The following ATOH8 variants were observed in gnomAD, a reference collection of about 807,000 sequenced individuals.
The protein encoded by ATOH8 is transcription factor ATOH8.
ATOH8 carries 9 observed loss-of-function variants against 21.2 expected under a neutral mutation model. The ratio of observed to expected loss-of-function variants is 0.42; its 90% CI spans 0.26 to 0.74. The LOEUF (loss-of-function observed/expected upper bound fraction) is 0.74. Among genes scored for constraint, ATOH8 ranks in the 30% least tolerant of loss-of-function variants. The probability of loss-of-function intolerance (pLI) is 0.24; values close to 1 mark genes in which losing one functional copy is unlikely to be tolerated. For missense variants in ATOH8, 524 were observed against 470.9 expected (o/e 1.11, Z -1.04); for synonymous variants, 253 against 224.0 (o/e 1.13, Z -1.16).
intron 1 of ATOH8, among the ~76,000 whole-genome samples, chr2:85,759,230 A>G (rs1679797703): frequency 6.6e-6 from 1 of 152,206 alleles, no homozygotes; most frequent in African/African-American, 2.4e-5. Flanking sequence ...AGGAGGGCAT[A>G]GGGAGTGCAA....
rs1004338147 is a variant in ATOH8 at position 85,777,731 on chromosome 2, G to A, written c.961-9154G>A. ...CAGGAGCCTGTTCTCCTAGGATGGC[G>A]GAGCTGGGAGGGCTGGGCTTCTCGT... On this transcript the variant is annotated intron_variant, in intron 2 of 2. Transcript: ENST00000306279. Among the ~76,000 whole-genome samples, 6 of 152,224 alleles carry A rather than the reference G, an allele frequency of 3.9e-5. No individual in the cohort carries two copies. In the South Asian group the frequency reaches 6.2e-4, roughly 16 times the overall value.
chr2:85,757,129 T>C (rs1001201475), intron 1 of ATOH8, among the ~76,000 whole-genome samples: 1 of 152,250 alleles, frequency 6.6e-6, no homozygotes, highest in African/African-American at 2.4e-5. Flanking sequence ...TCCTGTTTGT[T>C]TCCTCCTTGC....
At chr2:85,772,283 GC>G (rs2104519866) in intron 2 of ATOH8, among the ~76,000 whole-genome samples, 1 of 152,364 alleles carries the variant, frequency 6.6e-6, no homozygotes, top group South Asian at 2.1e-4. Context: ...GCCTTTGGCT[GC>G]AGCTGGGAGC....
Position 85,787,069 on chromosome 2 carries a change from AC to A in ATOH8, c.*182del. 2 of 734,322 alleles carry A rather than the reference AC, an allele frequency of 2.7e-6. No individual in the cohort carries two copies. Among genetic ancestry groups the A allele is most frequent in the Admixed American group, 5.3e-5 (2 of 37,408 alleles). 45.5% of individuals were successfully genotyped at this position (734,322 alleles called of 1,614,324 possible). On this transcript the variant is annotated 3_prime_UTR_variant, in exon 3 of 3. Transcript: ENST00000306279. ...CTGCCTCCCTCTCCCCTCCGCCCTC[AC>A]CCAGCCAATCCGAGGCTGCTTCGCA...
At chr2:85,774,040 A>G (rs1558614787) in intron 2 of ATOH8, 1 of 957,954 alleles carries the variant, frequency 1.0e-6, no homozygotes, top group East Asian at 1.2e-4. Flanking sequence ...CTGATTAGTT[A>G]TCATGAAGCT....
chr2:85,776,107 TG>T (rs1302470785), intron 2 of ATOH8, among the ~76,000 whole-genome samples: 3 of 152,236 alleles, frequency 2.0e-5, no homozygotes, highest in African/African-American at 7.2e-5. Context: ...AACAAGCTCC[TG>T]GGGTCCACAT....
intron 1 of ATOH8, among the ~76,000 whole-genome samples, chr2:85,758,180 A>G (rs1199321892): frequency 6.6e-6 from 1 of 152,240 alleles, no homozygotes; most frequent in Non-Finnish European, 1.5e-5. Context: ...AATTGTTTTA[A>G]TAACTGTCAC....
intron 2 of ATOH8, among the ~76,000 whole-genome samples, chr2:85,765,655 G>T (rs1222227224): frequency 2.0e-5 from 3 of 151,702 alleles, no homozygotes; most frequent in Non-Finnish European, 2.9e-5. Context: ...TAGATGGGCA[G>T]AGTGGGCAGG....
chr2:85,762,012 G>T (rs1309280902), intron 1 of ATOH8, among the ~76,000 whole-genome samples: 1 of 150,226 alleles, frequency 6.7e-6, no homozygotes, highest in East Asian at 2.0e-4. Flanking sequence ...CCCCCAGAGG[G>T]TGGAGGGTAG....
At chr2:85,761,353 C>T (rs781128415) in intron 1 of ATOH8, among the ~76,000 whole-genome samples, 2 of 152,162 alleles carry the variant, frequency 1.3e-5, no homozygotes, top group Non-Finnish European at 2.9e-5. Flanking sequence ...TAAATAGCTA[C>T]CACAGTGTCA....
At chr2:85,765,364 C>T (rs756800312) in intron 2 of ATOH8, among the ~76,000 whole-genome samples, 62 of 152,364 alleles carry the variant, frequency 4.1e-4, no homozygotes, top group Non-Finnish European at 7.5e-4. Flanking sequence ...ACTCCAGACT[C>T]ATGCCAGGGA....
Position 85,754,396 on chromosome 2 carries a change from G to A in ATOH8, c.207G>A (p.Pro69=), listed in dbSNP as rs1439921134. 5 of 1,581,074 alleles carry A rather than the reference G, an allele frequency of 3.2e-6. No individual in the cohort carries two copies. Among genetic ancestry groups the A allele is most frequent in the Admixed American group, 1.8e-5 (1 of 56,460 alleles). The change falls in exon 1 of 3, where the codon CCG becomes CCA. Residue 69 remains proline (P), a synonymous_variant. Transcript: ENST00000306279. ...GLRDRTHRLQ[P]VPVPVPVPVP... ...GGGACAGGACCCATCGGCTGCAGCC[G>A]GTCCCGGTACCGGTGCCGGTGCCAG... is the stretch of plus-strand genomic sequence containing the variant.
chr2:85,767,581 C>CCTTCCCTCCCCTGCCCTCCCCTCA (rs1465716443), intron 2 of ATOH8, among the ~76,000 whole-genome samples: 3 of 131,126 alleles, frequency 2.3e-5, no homozygotes, highest in African/African-American at 5.8e-5. Flanking sequence ...CCTCCCCTCT[C>CCTTCCCTCCCCTGCCCTCCCCTCA]CTTCCCTTCC....
At chr2:85,777,997 G>A (rs1573535514) in intron 2 of ATOH8, among the ~76,000 whole-genome samples, 2 of 152,198 alleles carry the variant, frequency 1.3e-5, no homozygotes, top group East Asian at 3.8e-4. Context: ...GGGGTGGCTG[G>A]GGACCCTTCC....
intron 2 of ATOH8, chr2:85,774,879 G>C: frequency 1.1e-6 from 1 of 923,518 alleles, no homozygotes; most frequent in Non-Finnish European, 1.3e-6. Flanking sequence ...CTTCTCCACT[G>C]TCTGCCTGGC....
chr2:85,786,357 CA>C (rs1489462169), intron 2 of ATOH8, among the ~76,000 whole-genome samples: 1 of 152,236 alleles, frequency 6.6e-6, no homozygotes, highest in Non-Finnish European at 1.5e-5. Context: ...CGCCATTTTA[CA>C]GATGAGGACA....
Position 85,754,476 on chromosome 2 carries a change from G to A in ATOH8, c.287G>A (p.Arg96His), listed in dbSNP as rs1476798040. Residue 96 changes from arginine to histidine, a missense_variant, in exon 1 of 3, where the codon CGC becomes CAC. Coordinates refer to ENST00000306279, the MANE Select transcript of ATOH8 (RefSeq NM_032827.7). ...GGGGGCACGGACACAGCCGGGGAGC[G>A]CGGGGGCTCTCGGGCGCCCGAGGTC... is the stretch of plus-strand genomic sequence containing the variant. ...PRGGTDTAGE[R>H]GGSRAPEVSD... The A allele has an allele frequency of 6.8e-7, 1 of 1,460,122 alleles. No homozygotes were observed. Among genetic ancestry groups the A allele is most frequent in the Admixed American group, 2.8e-5 (1 of 35,804 alleles). 90.4% of individuals were successfully genotyped at this position (1,460,122 alleles called of 1,614,324 possible).
At chr2:85,761,644 CTG>C (rs1481929054) in intron 1 of ATOH8, among the ~76,000 whole-genome samples, 1 of 152,164 alleles carries the variant, frequency 6.6e-6, no homozygotes, top group East Asian at 1.9e-4. Context: ...GGTGTGGCCT[CTG>C]TGTGAAAACA....
At chr2:85,758,866 G>A (rs1349208179) in intron 1 of ATOH8, among the ~76,000 whole-genome samples, 1 of 151,696 alleles carries the variant, frequency 6.6e-6, no homozygotes, top group African/African-American at 2.4e-5. Context: ...GGGGTCAAAG[G>A]GAAAGGCTGG....
Sources: allele counts gnomAD v4.1 joint callset (sites outside exome capture counted in the v4.1 genomes callset), GRCh38; gene constraint gnomAD v4.1.1; transcripts MANE v1.5; gene names NCBI Gene and HGNC (gene_info 2026-07-23, HGNC 2026-07-21).